The following STAG1 variants were observed in gnomAD, a reference collection of about 807,000 sequenced individuals.
STAG1 encodes cohesin subunit SA-1.
STAG1 carries 26 observed loss-of-function variants against 170.9 expected under a neutral mutation model. The observed-to-expected ratio is 0.15, with a 90% CI of 0.11 to 0.21. The LOEUF is 0.21. Among genes scored for constraint, STAG1 ranks in the 10% least tolerant of loss-of-function variants. The pLI, the probability that STAG1 is intolerant of heterozygous loss-of-function variation, is 1.00. For missense variants in STAG1, 964 were observed against 1,509.5 expected, an observed-to-expected ratio of 0.64 and a Z score of 5.99; for synonymous variants, 514 against 497.7, an observed-to-expected ratio of 1.03 and a Z score of -0.44.
intron 1 of STAG1, among the ~76,000 whole-genome samples, chr3:136,662,153 CT>C (rs398082483): frequency 1.2e-3 from 170 of 141,082 alleles, no homozygotes; most frequent in South Asian, 2.3e-3. Context: ...CAGTTAGACT[CT>C]TTTTTTTTTT....
chr3:136,627,046 A>T (rs1392098643), intron 2 of STAG1, among the ~76,000 whole-genome samples: 1 of 152,172 alleles, frequency 6.6e-6, no homozygotes, highest in Non-Finnish European at 1.5e-5. Flanking sequence ...ATAATTACTG[A>T]CCCATTAGTG....
intron 1 of STAG1, among the ~76,000 whole-genome samples, chr3:136,719,687 G>GTGGATGGATGGATGGATGGATGGA (rs1217789868): frequency 4.0e-5 from 5 of 124,856 alleles, no homozygotes; most frequent in African/African-American, 1.5e-4. Context: ...GGGTGGGTGG[G>GTGGATGGATGGATGGATGGATGGA]TGGATGGATG....
chr3:136,612,505 G>A (rs923827913), intron 3 of STAG1, among the ~76,000 whole-genome samples: 1 of 151,910 alleles, frequency 6.6e-6, no homozygotes, highest in African/African-American at 2.4e-5. Flanking sequence ...AATATCTAAA[G>A]ATAAAGGATA....
chr3:136,685,354 A>C (rs538265006), intron 1 of STAG1, among the ~76,000 whole-genome samples: 7 of 151,192 alleles, frequency 4.6e-5, no homozygotes, highest in African/African-American at 1.5e-4. Flanking sequence ...AACAAACAAA[A>C]GCCCTCACCA....
At chr3:136,734,715 G>C (rs1481452692) in intron 1 of STAG1, among the ~76,000 whole-genome samples, 3 of 152,020 alleles carry the variant, frequency 2.0e-5, no homozygotes, top group African/African-American at 7.2e-5. Flanking sequence ...GGTGTTTTTT[G>C]TTTTGTTTTT....
chr3:136,374,058 G>C (rs952448528), intron 23 of STAG1, among the ~76,000 whole-genome samples: 25 of 152,094 alleles, frequency 1.6e-4, no homozygotes, highest in Non-Finnish European at 1.8e-4. Context: ...AGGATACTTA[G>C]CTCTTCTTGT....
At chr3:136,730,988 A>C (rs1934009805) in intron 1 of STAG1, among the ~76,000 whole-genome samples, 1 of 152,188 alleles carries the variant, frequency 6.6e-6, no homozygotes, top group African/African-American at 2.4e-5. Flanking sequence ...CATGTCTAAC[A>C]AGTTTCTAAG....
chr3:136,390,227 T>C (rs1349532173), intron 22 of STAG1, among the ~76,000 whole-genome samples: 9 of 152,178 alleles, frequency 5.9e-5, no homozygotes, highest in Admixed American at 5.9e-4. Flanking sequence ...ATGGTACTCT[T>C]AATGGAATGC....
At chr3:136,397,240 G>C (rs944622452) in intron 22 of STAG1, among the ~76,000 whole-genome samples, 4 of 152,176 alleles carry the variant, frequency 2.6e-5, no homozygotes, top group Non-Finnish European at 2.9e-5. Context: ...ATTTGTGTCA[G>C]ATAATTCCAA....
At chr3:136,364,200 A>G (rs1209543764) in intron 25 of STAG1, among the ~76,000 whole-genome samples, 1 of 152,024 alleles carries the variant, frequency 6.6e-6, no homozygotes. Context: ...CTCCCACCTC[A>G]GCCTCCCAAG....
intron 4 of STAG1, among the ~76,000 whole-genome samples, chr3:136,573,764 A>C (rs907398745): frequency 6.6e-6 from 1 of 152,102 alleles, no homozygotes; most frequent in Non-Finnish European, 1.5e-5. Flanking sequence ...CGAGGTCAGG[A>C]GATGGAGACC....
In STAG1 at chr3:136,343,989, T is replaced by C. The variant is rs1936112483; in HGVS notation, c.3289A>G (p.Thr1097Ala). Residue 1097 changes from threonine (T) to alanine (A), a missense_variant, in exon 30 of 34, where the codon ACA becomes GCA. Thr to Ala is a moderately conservative substitution (Grantham distance 58). Around this residue, in one of 11 missense-constraint regions of STAG1, gnomAD observed 122 missense variants for 129.0 expected, o/e 0.95. Coordinates refer to ENST00000383202, the MANE Select transcript of STAG1 (RefSeq NM_005862.3). The part of the protein sequence containing the change: ...KRVEDESLDN[T>A]WLNRTDTMIQ... ...ATGGTGTCAGTCCTGTTTAGCCATG[T>C]GTTATCCAGACTCTCATCTGTAAAA... 2.5e-6 allele frequency: 4 copies of C among 1,588,200 alleles called. No homozygotes were observed. The highest frequency in any genetic ancestry group is 3.4e-6 in the Non-Finnish European group (4 of 1,170,686).
chr3:136,552,540 T>C (rs1460295981), intron 5 of STAG1, among the ~76,000 whole-genome samples: 1 of 152,154 alleles, frequency 6.6e-6, no homozygotes, highest in East Asian at 1.9e-4. Context: ...ATAGAAGCAA[T>C]GCTGAAATCA....
intron 4 of STAG1, among the ~76,000 whole-genome samples, chr3:136,579,441 G>T (rs192573835): frequency 2.0e-5 from 3 of 152,116 alleles, no homozygotes; most frequent in Admixed American, 2.0e-4. Context: ...GGCACTTACC[G>T]TGCTGCATTC....
intron 4 of STAG1, among the ~76,000 whole-genome samples, chr3:136,571,794 TC>T (rs1465801090): frequency 2.0e-5 from 3 of 151,858 alleles, no homozygotes; most frequent in African/African-American, 4.8e-5. Context: ...GGCAGGAGGA[TC>T]ACTTGAGCCC....
chr3:136,748,956 G>C (rs1387183082), intron 1 of STAG1, among the ~76,000 whole-genome samples: 1 of 152,156 alleles, frequency 6.6e-6, no homozygotes, highest in Non-Finnish European at 1.5e-5. Context: ...AGCTGATCAA[G>C]TGGGGTTACT....
At chr3:136,621,203 T>C (rs1055177834) in intron 3 of STAG1, among the ~76,000 whole-genome samples, 5 of 152,044 alleles carry the variant, frequency 3.3e-5, no homozygotes, top group Non-Finnish European at 7.4e-5. Flanking sequence ...TTCTAACGAA[T>C]TATACAATAG....
intron 21 of STAG1, among the ~76,000 whole-genome samples, chr3:136,401,061 T>A (rs1243644226): frequency 6.6e-6 from 1 of 152,164 alleles, no homozygotes; most frequent in Non-Finnish European, 1.5e-5. Context: ...AACATGAATA[T>A]TCCTTGCTAT....
chr3:136,477,096 T>G (rs536849320), intron 10 of STAG1, among the ~76,000 whole-genome samples, 193 bp downstream of exon 10: 1 of 152,210 alleles, frequency 6.6e-6, no homozygotes, highest in South Asian at 2.1e-4. Flanking sequence ...CTAAACAAGA[T>G]AGGGTCTTCA....
Sources: allele counts gnomAD v4.1 joint callset (sites outside exome capture counted in the v4.1 genomes callset), GRCh38; gene constraint gnomAD v4.1.1; regional missense constraint gnomAD v4.1.1; transcripts MANE v1.5; gene names NCBI Gene and HGNC (gene_info 2026-07-23, HGNC 2026-07-21).